The following GMDS variants were observed in gnomAD, a reference collection of about 807,000 sequenced individuals.
GMDS encodes GDP-mannose 4,6 dehydratase.
GMDS carries 20 observed loss-of-function variants against 49.9 expected under a neutral mutation model. The observed-to-expected ratio is 0.40, with a 90% CI of 0.28 to 0.58. GMDS has a LOEUF of 0.58. Among genes scored for constraint, GMDS ranks in the 20% least tolerant of loss-of-function variants. GMDS has a pLI of 0.42. For synonymous variants in GMDS, 177 were observed against 178.6 expected, an observed-to-expected ratio of 0.99 and a Z score of 0.07; for missense variants, 362 against 481.4, an observed-to-expected ratio of 0.75 and a Z score of 2.32.
chr6:1,634,612 G>A (rs1254743193), intron 9 of GMDS, among the ~76,000 whole-genome samples: 5 of 152,108 alleles, frequency 3.3e-5, no homozygotes, highest in Admixed American at 1.3e-4. Context: ...TCCTTTACCG[G>A]CCCAGCACAT....
Position 1,930,052 on chromosome 6 carries a change from G to A in GMDS, c.771+51C>T, listed in dbSNP as rs755594532. ...TTTTTCACTGTACGCTTGGCATTTA[G>A]AATATCAATGGATACGGGTATTTTC... On this transcript the variant is annotated intron_variant, in intron 7 of 10. Transcript: ENST00000380815. 2.6e-6 allele frequency: 4 copies of A among 1,520,640 alleles called. No individual in the cohort carries two copies. The African/African-American group carries it at 4.1e-5, about 16-fold the overall frequency. 94.2% of individuals were successfully genotyped at this position (1,520,640 alleles called of 1,614,324 possible).
At position 1,640,641 on chromosome 6, in the gene GMDS, A is replaced by G. The variant is rs191098924; in HGVS notation, c.988-16101T>C. ...CAGGCTGTCTCAGGTGTGGTTCCAG[A>G]GCACATGGAATGTGCCCTTGCATCC... On this transcript the variant is annotated intron_variant, in intron 9 of 10. Transcript: ENST00000380815. The surrounding 1 kb of genome is among the most constrained non-coding windows in gnomAD (Gnocchi z 4.0). Among the ~76,000 whole-genome samples the G allele has an allele frequency of 1.3e-4, 20 of 152,362 alleles. No individual in the cohort carries two copies. In the East Asian group the frequency reaches 3.9e-3, roughly 29 times the overall value.
chr6:2,215,757 C>A (rs774540651), intron 1 of GMDS, among the ~76,000 whole-genome samples: 1 of 152,092 alleles, frequency 6.6e-6, no homozygotes, highest in Non-Finnish European at 1.5e-5. Flanking sequence ...TCACCTTATT[C>A]GGACCCTGAT....
At chr6:1,625,753 T>G (rs1434209266) in intron 9 of GMDS, among the ~76,000 whole-genome samples, 1 of 152,208 alleles carries the variant, frequency 6.6e-6, no homozygotes, top group Admixed American at 6.5e-5. Flanking sequence ...AAAAAGACTT[T>G]GAGATACATA....
chr6:2,086,212 C>T (rs1773005216), intron 4 of GMDS, among the ~76,000 whole-genome samples: 2 of 152,178 alleles, frequency 1.3e-5, no homozygotes, highest in African/African-American at 2.4e-5. Context: ...GTACCATTCA[C>T]CCAGCAATTG....
chr6:1,920,250 T>C (rs1034320412), intron 7 of GMDS, among the ~76,000 whole-genome samples: 1 of 152,244 alleles, frequency 6.6e-6, no homozygotes, highest in African/African-American at 2.4e-5. Context: ...AACCTGGAGC[T>C]TGGGCTTGGG....
intron 4 of GMDS, among the ~76,000 whole-genome samples, chr6:1,999,979 T>A (rs1414484703): frequency 1.3e-4 from 3 of 22,796 alleles, no homozygotes; most frequent in East Asian, 9.1e-4. Context: ...ATTATATATA[T>A]ATTTTATATA....
chr6:2,101,522 C>A (rs943195034), intron 4 of GMDS, among the ~76,000 whole-genome samples: 2 of 151,436 alleles, frequency 1.3e-5, no homozygotes, highest in African/African-American at 4.8e-5. Context: ...TAAGTGGAAT[C>A]CCCAGTTAGA....
intron 7 of GMDS, among the ~76,000 whole-genome samples, chr6:1,761,297 T>G (rs1357705081): frequency 3.9e-5 from 6 of 152,226 alleles, no homozygotes; most frequent in African/African-American, 1.2e-4. Flanking sequence ...TACAATGAAT[T>G]AACACTTTTA....
At chr6:1,860,599 T>C (rs528804107) in intron 7 of GMDS, among the ~76,000 whole-genome samples, 6 of 152,184 alleles carry the variant, frequency 3.9e-5, no homozygotes, top group Non-Finnish European at 7.3e-5. Flanking sequence ...CTAATAACAG[T>C]ACATTTAACT....
chr6:2,192,448 G>A (rs1229171366), intron 1 of GMDS, among the ~76,000 whole-genome samples: 1 of 152,200 alleles, frequency 6.6e-6, no homozygotes, highest in Non-Finnish European at 1.5e-5. Context: ...ACACACACAG[G>A]GCTGAAACAT....
intron 4 of GMDS, among the ~76,000 whole-genome samples, chr6:2,053,823 T>C (rs1770623624): frequency 6.6e-6 from 1 of 152,138 alleles, no homozygotes; most frequent in South Asian, 2.1e-4. Flanking sequence ...TAATAATGGA[T>C]AGGCATTGCT....
chr6:2,200,740 C>T (rs1224985071), intron 1 of GMDS, among the ~76,000 whole-genome samples: 4 of 147,102 alleles, frequency 2.7e-5, no homozygotes, highest in African/African-American at 1.0e-4. Context: ...CATGGACATC[C>T]GAGATGTAAC....
chr6:2,099,281 A>G (rs1344089818), intron 4 of GMDS, among the ~76,000 whole-genome samples: 1 of 152,164 alleles, frequency 6.6e-6, no homozygotes, highest in African/African-American at 2.4e-5. Context: ...AAATTTCTGC[A>G]AAGTTGTACT....
At chr6:2,198,439 C>T (rs1779367997) in intron 1 of GMDS, among the ~76,000 whole-genome samples, 1 of 152,066 alleles carries the variant, frequency 6.6e-6, no homozygotes, top group African/African-American at 2.4e-5. Flanking sequence ...GTGTCCCCTT[C>T]AATTCTGTTT....
At chr6:2,083,496 C>T (rs757627710) in intron 4 of GMDS, among the ~76,000 whole-genome samples, 2 of 152,244 alleles carry the variant, frequency 1.3e-5, no homozygotes, top group African/African-American at 4.8e-5. Flanking sequence ...TTCAAAACAA[C>T]CACTTAAGAA....
intron 7 of GMDS, among the ~76,000 whole-genome samples, chr6:1,917,548 T>C (rs938582470): frequency 6.6e-6 from 1 of 152,172 alleles, no homozygotes; most frequent in Non-Finnish European, 1.5e-5. Context: ...TGATAGATCT[T>C]TATATTTTAT....
chr6:1,977,512 A>G (rs1016397727), intron 4 of GMDS, among the ~76,000 whole-genome samples: 5 of 152,202 alleles, frequency 3.3e-5, no homozygotes, highest in African/African-American at 1.2e-4. Context: ...CATGGCACTC[A>G]TGGAGAGGAG....
At chr6:1,759,032 C>T (rs1481075564) in intron 7 of GMDS, among the ~76,000 whole-genome samples, 2 of 152,198 alleles carry the variant, frequency 1.3e-5, no homozygotes, top group East Asian at 3.9e-4. Flanking sequence ...AAGTGATTCT[C>T]ACGCCTCAGC....
Sources: gnomAD v4.1 joint callset for allele counts (sites outside exome capture counted in the v4.1 genomes callset) on GRCh38, gnomAD v4.1.1 for gene constraint, Gnocchi (gnomAD v3.1) non-coding constraint, MANE v1.5 for transcripts, NCBI Gene and HGNC (gene_info 2026-07-23, HGNC 2026-07-21) for gene names.